Variants in ATRNL1 observed in about 807,000 individuals in gnomAD.
ATRNL1 encodes the protein attractin like 1, also known as attractin-like protein 1.
ATRNL1 carries 95 observed loss-of-function variants against 182.7 expected under a neutral mutation model. The ratio of observed to expected loss-of-function variants is 0.52; its 90% CI spans 0.44 to 0.62. ATRNL1 has a LOEUF of 0.62. Ranked by LOEUF, ATRNL1 falls within the 20% of genes least tolerant of loss-of-function variation. The probability of loss-of-function intolerance (pLI) is 0.00; values close to 1 mark genes in which losing one functional copy is unlikely to be tolerated. For synonymous variants in ATRNL1, 576 were observed against 568.3 expected (o/e 1.01, Z -0.19); for missense variants, 1,471 against 1,679.5 (o/e 0.88, Z 2.17).
At chr10:115,368,263 A>G (rs1857176779) in intron 19 of ATRNL1, among the ~76,000 whole-genome samples, 1 of 152,194 alleles carries the variant, frequency 6.6e-6, no homozygotes, top group Middle Eastern at 3.2e-3. Context: ...AAAGCGCAAT[A>G]TTCGGGTGGG....
chr10:115,569,950 A>T (rs1854295671), intron 26 of ATRNL1, among the ~76,000 whole-genome samples: 2 of 152,102 alleles, frequency 1.3e-5, no homozygotes, highest in Non-Finnish European at 2.9e-5. Flanking sequence ...TTCCTGATTC[A>T]TAGATGGCAC....
intron 18 of ATRNL1, among the ~76,000 whole-genome samples, chr10:115,323,033 T>G (rs546016523): frequency 4.0e-4 from 61 of 152,212 alleles, no homozygotes; most frequent in Non-Finnish European, 7.9e-4. Flanking sequence ...TTCATCAAAT[T>G]TGAGTTTTCA....
intron 17 of ATRNL1, among the ~76,000 whole-genome samples, chr10:115,313,887 C>T (rs1455752690): frequency 6.6e-6 from 1 of 152,126 alleles, no homozygotes; most frequent in Admixed American, 6.5e-5. Flanking sequence ...CCCTTATGTC[C>T]TATTGATAGC....
chr10:115,505,999 C>G (rs1554981218), intron 24 of ATRNL1, among the ~76,000 whole-genome samples: 1 of 150,548 alleles, frequency 6.6e-6, no homozygotes, highest in African/African-American at 2.4e-5. Context: ...TGAACTCCAG[C>G]ATGGGTGGAC....
chr10:115,621,042 C>A (rs1404297597), intron 26 of ATRNL1, among the ~76,000 whole-genome samples: 5 of 151,606 alleles, frequency 3.3e-5, no homozygotes, highest in African/African-American at 1.2e-4. Context: ...GAAAAACAAT[C>A]TATGAGTGAG....
chr10:115,542,737 A>G (rs1196814235), intron 25 of ATRNL1, among the ~76,000 whole-genome samples: 3 of 152,114 alleles, frequency 2.0e-5, no homozygotes, highest in Non-Finnish European at 4.4e-5. Context: ...GGGTTAAACA[A>G]TAGAAATGTA....
intron 19 of ATRNL1, among the ~76,000 whole-genome samples, chr10:115,368,266 C>T (rs1378120843): frequency 2.0e-5 from 3 of 152,196 alleles, no homozygotes; most frequent in African/African-American, 7.2e-5. Flanking sequence ...GCGCAATATT[C>T]GGGTGGGAGT....
chr10:115,471,304 T>C (rs1848301018), intron 24 of ATRNL1, among the ~76,000 whole-genome samples: 1 of 150,992 alleles, frequency 6.6e-6, no homozygotes, highest in Non-Finnish European at 1.5e-5. Flanking sequence ...TTGTAAAGAA[T>C]GTGAGAGTGC....
intron 24 of ATRNL1, among the ~76,000 whole-genome samples, chr10:115,509,864 A>G (rs1480750699): frequency 2.0e-5 from 3 of 152,060 alleles, no homozygotes; most frequent in Admixed American, 6.6e-5. Flanking sequence ...CTAGGCAAAG[A>G]AAAATCTCTG....
intron 6 of ATRNL1, among the ~76,000 whole-genome samples, chr10:115,164,897 G>GT (rs1846967699): frequency 6.6e-6 from 1 of 152,000 alleles, no homozygotes; most frequent in Non-Finnish European, 1.5e-5. Flanking sequence ...GGAATAAGTT[G>GT]TAGTATTTGA....
At chr10:115,391,994 A>C (rs1309019155) in intron 19 of ATRNL1, among the ~76,000 whole-genome samples, 1 of 152,178 alleles carries the variant, frequency 6.6e-6, no homozygotes, top group Non-Finnish European at 1.5e-5. Flanking sequence ...GGAATTGATA[A>C]ACATAAAATT....
intron 28 of ATRNL1, among the ~76,000 whole-genome samples, chr10:115,937,286 C>T (rs1953588746): frequency 6.6e-6 from 1 of 152,124 alleles, no homozygotes; most frequent in African/African-American, 2.4e-5. Context: ...AATTTTATAA[C>T]CAGAATACAA....
chr10:115,822,559 G>A (rs1950328902), intron 27 of ATRNL1, among the ~76,000 whole-genome samples: 1 of 150,774 alleles, frequency 6.6e-6, no homozygotes, highest in Non-Finnish European at 1.5e-5. Context: ...AGAAAGGAGA[G>A]AAGAATCAAA....
chr10:115,269,517 A>G (rs1386615440), intron 13 of ATRNL1, among the ~76,000 whole-genome samples: 1 of 151,998 alleles, frequency 6.6e-6, no homozygotes, highest in Non-Finnish European at 1.5e-5. Flanking sequence ...ATATTTTAGT[A>G]GAGACAGGGT....
At position 115,306,504 on chromosome 10, in the gene ATRNL1, G is replaced by A. The variant is rs555228677; in HGVS notation, c.2818+4461G>A. Reference sequence around the variant, plus strand: ...AATTCAGTTTTTCAGTGATTGATGTGGATCTTTAAAATTAATTTTTTTTTA... The same window carrying A: ...AATTCAGTTTTTCAGTGATTGATGTAGATCTTTAAAATTAATTTTTTTTTA... On this transcript the variant is annotated intron_variant, in intron 17 of 28. Transcript: ENST00000355044. Among the ~76,000 whole-genome samples, 4 of 151,908 alleles carry A rather than the reference G, an allele frequency of 2.6e-5. No homozygotes were observed. The South Asian group carries it at 8.3e-4, about 32-fold the overall frequency.
intron 26 of ATRNL1, among the ~76,000 whole-genome samples, chr10:115,658,144 GGA>G (rs1352607313): frequency 7.4e-6 from 1 of 135,048 alleles, no homozygotes. Flanking sequence ...CGCCCAGGCT[GGA>G]GTGCAGTGGC....
chr10:115,510,219 A>G (rs969900768), intron 24 of ATRNL1, among the ~76,000 whole-genome samples: 17 of 152,062 alleles, frequency 1.1e-4, no homozygotes, highest in Non-Finnish European at 2.4e-4. Flanking sequence ...TGAAATGACA[A>G]TGAGTTGGAA....
At chr10:115,185,454 A>G (rs782178289) in intron 8 of ATRNL1, among the ~76,000 whole-genome samples, 1 of 152,096 alleles carries the variant, frequency 6.6e-6, no homozygotes, top group Non-Finnish European at 1.5e-5. Context: ...TTGGTAAAAC[A>G]TGGGACAATT....
chr10:115,230,687 G>A (rs1387508040), intron 9 of ATRNL1, among the ~76,000 whole-genome samples: 3 of 152,054 alleles, frequency 2.0e-5, no homozygotes, highest in South Asian at 2.1e-4. Flanking sequence ...TTGTAATTAC[G>A]ATGCAAGAGC....
Sources: allele counts gnomAD v4.1 joint callset (sites outside exome capture counted in the v4.1 genomes callset), GRCh38; gene constraint gnomAD v4.1.1; transcripts MANE v1.5; gene names NCBI Gene and HGNC (gene_info 2026-07-23, HGNC 2026-07-21).